CYRIB: variants seen among roughly 807,000 people sequenced by gnomAD.
CYRIB encodes the protein CYFIP-related Rac1 interactor B.
In CYRIB, 8 loss-of-function variants were observed where a neutral mutation model predicts 44.2. The ratio of observed to expected loss-of-function variants is 0.18; its 90% CI spans 0.11 to 0.33. The LOEUF is 0.33. CYRIB is among the 10% of genes least tolerant of loss of function. The pLI is 1.00. For synonymous variants in CYRIB, 131 were observed against 127.2 expected (o/e 1.03, Z -0.20); for missense variants, 185 against 382.8 (o/e 0.48, Z 4.31).
intron 3 of CYRIB, among the ~76,000 whole-genome samples, chr8:129,878,021 G>A (rs1054814654): frequency 2.6e-5 from 4 of 152,114 alleles, no homozygotes; most frequent in Non-Finnish European, 5.9e-5. Flanking sequence ...CAATCTGCTC[G>A]ACATCCTCAA....
chr8:129,969,340 T>G (rs1027032492), intron 2 of CYRIB, among the ~76,000 whole-genome samples: 3 of 152,186 alleles, frequency 2.0e-5, no homozygotes, highest in African/African-American at 7.2e-5. Flanking sequence ...ATTTGCAGGT[T>G]TCCCTTTCTT....
intron 1 of CYRIB, among the ~76,000 whole-genome samples, chr8:129,924,393 C>A (rs2086158300): frequency 6.8e-6 from 1 of 147,736 alleles, no homozygotes; most frequent in South Asian, 2.2e-4. Flanking sequence ...AACAGATCTG[C>A]CTATCCCAAA....
At chr8:129,963,419 C>A (rs1336917788) in intron 2 of CYRIB, among the ~76,000 whole-genome samples, 2 of 152,204 alleles carry the variant, frequency 1.3e-5, no homozygotes, top group Non-Finnish European at 2.9e-5. Context: ...CCATACCATC[C>A]TTCCAGGCAC....
intron 1 of CYRIB, among the ~76,000 whole-genome samples, chr8:129,996,115 A>T (rs1477139570): frequency 6.6e-6 from 1 of 152,190 alleles, no homozygotes; most frequent in Non-Finnish European, 1.5e-5. Flanking sequence ...TTTTACAGGC[A>T]TCCACTCCTT....
chr8:129,980,987 A>G (rs1415005262), intron 1 of CYRIB, among the ~76,000 whole-genome samples: 1 of 152,046 alleles, frequency 6.6e-6, no homozygotes, highest in Non-Finnish European at 1.5e-5. Flanking sequence ...CTATCTCAAA[A>G]AAAAAAACAC....
intron 1 of CYRIB, among the ~76,000 whole-genome samples, chr8:129,991,588 C>T (rs989471459): frequency 6.6e-6 from 1 of 152,044 alleles, no homozygotes; most frequent in African/African-American, 2.4e-5. Context: ...CAGAGAGTCC[C>T]CACCAGCAAA....
chr8:129,998,768 A>T (rs1009526137), intron 1 of CYRIB, among the ~76,000 whole-genome samples: 1 of 151,990 alleles, frequency 6.6e-6, no homozygotes, highest in Admixed American at 6.6e-5. Context: ...AGTAGCTGGG[A>T]TTACAGGCAT....
exon 12 of CYRIB, chr8:129,842,038 A>AATG: frequency 1.3e-6 from 1 of 776,270 alleles, no homozygotes; most frequent in South Asian, 1.6e-5. Context: ...AAAGAAATAA[A>AATG]AGCAAGAATA....
intron 1 of CYRIB, among the ~76,000 whole-genome samples, chr8:129,910,477 C>CTTCTT (rs1275002515): frequency 9.0e-5 from 10 of 110,654 alleles, no homozygotes; most frequent in African/African-American, 3.1e-4. Context: ...CCTTCTTTCA[C>CTTCTT]TTTTTTTTTT....
chr8:129,913,482 C>A (rs1433667025), intron 1 of CYRIB, among the ~76,000 whole-genome samples: 1 of 152,204 alleles, frequency 6.6e-6, no homozygotes, highest in African/African-American at 2.4e-5. Context: ...GCACATTCTT[C>A]AATGACAAGC....
At chr8:129,918,287 T>C (rs1230331546) in intron 1 of CYRIB, among the ~76,000 whole-genome samples, 1 of 152,182 alleles carries the variant, frequency 6.6e-6, no homozygotes, top group East Asian at 1.9e-4. Flanking sequence ...CCAGATATGA[T>C]AATATTGCTT....
At chr8:129,971,178 C>T (rs1027818235) in intron 1 of CYRIB, among the ~76,000 whole-genome samples, 183 bp from the exon 2 acceptor site, 1 of 152,172 alleles carries the variant, frequency 6.6e-6, no homozygotes, top group Non-Finnish European at 1.5e-5. Flanking sequence ...CTTGCTCTGT[C>T]GCCTAGGCTG....
chr8:129,855,442 C>A, intron 6 of CYRIB, 169 bp downstream of exon 8: 1 of 630,138 alleles, frequency 1.6e-6, no homozygotes, highest in Admixed American at 3.1e-5. Flanking sequence ...TGCTCTTTGC[C>A]ATGTATCAAA....
At chr8:129,902,031 A>T (rs1254452385) in intron 2 of CYRIB, among the ~76,000 whole-genome samples, 1 of 152,292 alleles carries the variant, frequency 6.6e-6, no homozygotes, top group South Asian at 2.1e-4. Context: ...TAGAATCATT[A>T]TTCTGAGGCA....
chr8:129,961,570 C>A (rs1335670212), intron 2 of CYRIB, among the ~76,000 whole-genome samples: 1 of 152,176 alleles, frequency 6.6e-6, no homozygotes, highest in Non-Finnish European at 1.5e-5. Flanking sequence ...GTCATTTAAC[C>A]GTTTAGAAGT....
chr8:129,982,540 G>C (rs997449656), intron 1 of CYRIB, among the ~76,000 whole-genome samples: 7 of 152,166 alleles, frequency 4.6e-5, no homozygotes, highest in African/African-American at 1.7e-4. Flanking sequence ...GACAGACCTT[G>C]ATCCAAGTCC....
chr8:130,006,653 T>TATATATGTGTATATATATAC (rs1564800827), intron 1 of CYRIB, among the ~76,000 whole-genome samples: 4 of 46,220 alleles, frequency 8.7e-5, no homozygotes, highest in Non-Finnish European at 1.2e-4. Context: ...TATATATACA[T>TATATATGTGTATATATATAC]ATATATATGT....
intron 1 of CYRIB, among the ~76,000 whole-genome samples, chr8:129,978,858 G>C (rs866877178): frequency 7.2e-5 from 11 of 152,258 alleles, no homozygotes; most frequent in Admixed American, 7.2e-4. Flanking sequence ...AATGTTGGCC[G>C]GGTGCGGTGG....
chr8:129,934,877 G>A (rs2092503258), intron 1 of CYRIB, among the ~76,000 whole-genome samples: 1 of 152,160 alleles, frequency 6.6e-6, no homozygotes, highest in East Asian at 1.9e-4. Context: ...TCAGGACTTA[G>A]ACCTTAGTTA....
Sources: allele counts gnomAD v4.1 joint callset (sites outside exome capture counted in the v4.1 genomes callset), GRCh38; gene constraint gnomAD v4.1.1; transcripts MANE v1.5; gene names NCBI Gene and HGNC (gene_info 2026-07-23, HGNC 2026-07-21).